Variants in CALML4 observed in about 807,000 individuals in gnomAD.
The protein encoded by CALML4 is calmodulin-like protein 4.
In CALML4, 16 loss-of-function variants were observed where a neutral mutation model predicts 17.9. The ratio of observed to expected loss-of-function variants is 0.89; its 90% CI spans 0.61 to 1.36. The LOEUF (loss-of-function observed/expected upper bound fraction) is 1.36, where lower values mean the gene tolerates loss of function less well. Ranked by LOEUF, CALML4 falls within the 40% of genes most tolerant of loss-of-function variation. The pLI, the probability that CALML4 is intolerant of heterozygous loss-of-function variation, is 0.00. For synonymous variants in CALML4, 86 were observed against 71.5 expected (o/e 1.20, Z -1.02); for missense variants, 203 against 194.8 (o/e 1.04, Z -0.25).
rs1257547414 is a variant in CALML4 at position 68,200,186 on chromosome 15, C to T, written c.35-505G>A. ...TTCTGGACAATGGGAATAATAAGGC[C>T]TCAGGATTACTGTGAGAGCCAGAAA... On this transcript the variant is annotated intron_variant, in intron 2 of 4. Transcript: ENST00000467889. The surrounding 1 kb of genome is among the most constrained non-coding windows in gnomAD (Gnocchi z 4.3). 6.6e-6 allele frequency among the ~76,000 whole-genome samples: 1 copy of T among 152,196 alleles called. No homozygotes were observed. The highest frequency in any genetic ancestry group is 1.5e-5 in the Non-Finnish European group (1 of 68,040).
intron 4 of CALML4, among the ~76,000 whole-genome samples, chr15:68,194,693 CTTTTA>C (rs1476255879): frequency 1.3e-5 from 2 of 152,016 alleles, no homozygotes; most frequent in Non-Finnish European, 2.9e-5. Context: ...CCACCCTGTG[CTTTTA>C]TTTTTATTTT....
chr15:68,197,471 C>T lies in CALML4; in HGVS notation c.333G>A (p.Thr111=), dbSNP rs554953385. 14 of 1,614,130 alleles carry T rather than the reference C, an allele frequency of 8.7e-6. No individual in the cohort carries two copies. In the South Asian group the frequency reaches 1.1e-4, roughly 13 times the overall value. ...VMASDLRSKL[T]SLGEKLTHKE... is the part of the protein sequence containing the mutation. ...TGTGGGTGAGCTTCTCCCCCAGACTCGTGAGTTTTGACCGCAGGTCGGACG... is the reference window on the plus strand; with the variant it reads ...TGTGGGTGAGCTTCTCCCCCAGACTTGTGAGTTTTGACCGCAGGTCGGACG... The change falls in exon 4 of 5, where the codon ACG becomes ACA. Residue 111 remains threonine, a synonymous_variant. Coordinates refer to ENST00000467889, the MANE Select transcript of CALML4 (RefSeq NM_033429.3). The surrounding 1 kb of genome is among the most constrained non-coding windows in gnomAD (Gnocchi z 4.1).
intron 4 of CALML4, among the ~76,000 whole-genome samples, chr15:68,194,919 G>A (rs957960189): frequency 7.0e-6 from 1 of 142,954 alleles, no homozygotes; most frequent in South Asian, 2.2e-4. Flanking sequence ...AGCACTGTCT[G>A]CTACCATCAC....
rs1266028583 is a variant in CALML4, at chr15:68,190,999, A to G, written c.*3016T>C. 2 of 152,450 alleles carry G rather than the reference A, an allele frequency of 1.3e-5. No individual in the cohort carries two copies. The highest frequency in any genetic ancestry group is 3.9e-4 in the East Asian group (2 of 5,194). The allele number at this position is 152,450 out of a possible 1,614,324, so 9.4% of individuals were successfully genotyped here. A position where few individuals can be genotyped will look rare whatever the true frequency, so the allele number is the denominator to read the frequency against. On this transcript the variant is annotated 3_prime_UTR_variant, in exon 5 of 5. Coordinates refer to ENST00000467889, the MANE Select transcript of CALML4 (RefSeq NM_033429.3). This position sits in a 1 kb window ranked among gnomAD's most constrained non-coding sequence, Gnocchi z 4.7. The stretch of plus-strand genomic sequence containing the variant: ...AAAGAGCATTTTTTTAGACAATTTC[A>G]ATTTTAAACACATAAAACTTTCAAG...
Position 68,197,505 on chromosome 15 carries a change from T to C in CALML4, c.299A>G (p.Tyr100Cys), listed in dbSNP as rs2093149509. 1 of 1,614,026 alleles carries C rather than the reference T, an allele frequency of 6.2e-7. No individual in the cohort carries two copies. Among genetic ancestry groups the C allele is most frequent in the South Asian group, 1.1e-5 (1 of 91,082 alleles). The change falls in exon 4 of 5, where the codon TAC becomes TGC. Residue 100 changes from tyrosine (Y) to cysteine (C), a missense_variant. Transcript: ENST00000467889. This position sits in a 1 kb window ranked among gnomAD's most constrained non-coding sequence, Gnocchi z 4.1. ...TGACCGCAGGTCGGACGCCATGACG[T>C]AACCTTTCTTCTCCTTGTCCACCAT... is the stretch of plus-strand genomic sequence containing the variant. The part of the protein sequence containing the change: ...MLMVDKEKKG[Y>C]VMASDLRSKL...
chr15:68,191,694 G>GT lies in CALML4; in HGVS notation c.*2320dup, dbSNP rs1470517185. On this transcript the variant is annotated 3_prime_UTR_variant, in exon 5 of 5. Transcript: ENST00000467889. ...TTTAATAAATCACAGCATCTGTTTAGTATCTGCAGTTTGAATGCTAAGAGC... is the reference window on the plus strand; with the variant it reads ...TTTAATAAATCACAGCATCTGTTTAGTTATCTGCAGTTTGAATGCTAAGAGC... The GT allele has an allele frequency of 6.6e-6, 1 of 152,478 alleles. No individual in the cohort carries two copies. Among genetic ancestry groups the GT allele is most frequent in the Non-Finnish European group, 1.5e-5 (1 of 68,042 alleles). The allele number at this position is 152,478 out of a possible 1,614,324, so 9.4% of individuals were successfully genotyped here.
intron 3 of CALML4, among the ~76,000 whole-genome samples, chr15:68,199,047 A>G (rs1443940143): frequency 6.6e-6 from 1 of 151,970 alleles, no homozygotes; most frequent in Non-Finnish European, 1.5e-5. Context: ...CTGTAATCCC[A>G]GCTACTTGGG....
In CALML4 at chr15:68,204,169, G is replaced by A. The variant is rs1350020735; in HGVS notation, c.34+952C>T. Among the ~76,000 whole-genome samples the A allele has an allele frequency of 5.3e-5, 8 of 152,126 alleles. No individual in the cohort carries two copies. Among genetic ancestry groups the A allele is most frequent in the Admixed American group, 1.3e-4 (2 of 15,272 alleles). Reference sequence around the variant, plus strand: ...TGGAGCTCACAATTCCTGCCCCTCTGGACCAAGCTCAGAATACCCAGAACT... The same window carrying A: ...TGGAGCTCACAATTCCTGCCCCTCTAGACCAAGCTCAGAATACCCAGAACT... On this transcript the variant is annotated intron_variant, in intron 2 of 4. Transcript: ENST00000467889. The surrounding 1 kb of genome is among the most constrained non-coding windows in gnomAD (Gnocchi z 6.0).
Position 68,197,486 on chromosome 15 carries a change from C to A in CALML4, c.318G>T (p.Leu106=). Residue 106 remains leucine (L), a synonymous_variant, in exon 4 of 5, where the codon CTG becomes CTT. Transcript: ENST00000467889. The surrounding 1 kb of genome is among the most constrained non-coding windows in gnomAD (Gnocchi z 4.1). ...CCCCCAGACTCGTGAGTTTTGACCG[C>A]AGGTCGGACGCCATGACGTAACCTT... ...EKKGYVMASD[L]RSKLTSLGEK... 1.2e-6 allele frequency: 2 copies of A among 1,614,168 alleles called. No individual in the cohort carries two copies. The highest frequency in any genetic ancestry group is 1.7e-6 in the Non-Finnish European group (2 of 1,180,032).
intron 4 of CALML4, among the ~76,000 whole-genome samples, chr15:68,195,525 C>G (rs2093140547): frequency 6.6e-6 from 1 of 152,146 alleles, no homozygotes; most frequent in African/African-American, 2.4e-5. Context: ...AGCACTTAGC[C>G]AGGTGCCAAG....
intron 2 of CALML4, among the ~76,000 whole-genome samples, chr15:68,202,806 G>GATT: frequency 7.9e-6 from 1 of 126,232 alleles, no homozygotes; most frequent in Non-Finnish European, 1.6e-5. Flanking sequence ...ACCATGACCG[G>GATT]CTTTTTTTTT....
rs533551662 is a variant in CALML4 at position 68,192,307 on chromosome 15, T to C, written c.*1708A>G. ...TCTGGTGGATTTACCATGAAGGTAA[T>C]GAAGTTTAAGCACCAGGACCCTTCA... On this transcript the variant is annotated 3_prime_UTR_variant, in exon 5 of 5. Transcript: ENST00000467889. 6.6e-6 allele frequency: 1 copy of C among 152,228 alleles called. No homozygotes were observed. The highest frequency in any genetic ancestry group is 2.1e-4 in the South Asian group (1 of 4,820). 9.4% of individuals were successfully genotyped at this position (152,228 alleles called of 1,614,324 possible). A position where few individuals can be genotyped will look rare whatever the true frequency, so the allele number is the denominator to read the frequency against.
chr15:68,192,302 G>A lies in CALML4; in HGVS notation c.*1713C>T, dbSNP rs568090643. 5 of 152,212 alleles carry A rather than the reference G, an allele frequency of 3.3e-5. No individual in the cohort carries two copies. The highest frequency in any genetic ancestry group is 1.2e-4 in the African/African-American group (5 of 41,538). 9.4% of individuals were successfully genotyped at this position (152,212 alleles called of 1,614,324 possible). A position where few individuals can be genotyped will look rare whatever the true frequency, so the allele number is the denominator to read the frequency against. On this transcript the variant is annotated 3_prime_UTR_variant, in exon 5 of 5. Coordinates refer to ENST00000467889, the MANE Select transcript of CALML4 (RefSeq NM_033429.3). ...GGCCCTCTGGTGGATTTACCATGAA[G>A]GTAATGAAGTTTAAGCACCAGGACC...
chr15:68,196,887 G>A (rs2093146613), intron 4 of CALML4, among the ~76,000 whole-genome samples: 1 of 152,194 alleles, frequency 6.6e-6, no homozygotes, highest in Non-Finnish European at 1.5e-5. Context: ...AGTTCCCTCT[G>A]GAGCCCCTTT....
chr15:68,193,264 A>T lies in CALML4; in HGVS notation c.*751T>A, dbSNP rs2093128665. The stretch of plus-strand genomic sequence containing the variant: ...GCTCTGCAAGGCCAGTCAATTTAGC[A>T]GCTCACATCTGGTTTCCTTTGGTGT... On this transcript the variant is annotated 3_prime_UTR_variant, in exon 5 of 5. Coordinates refer to ENST00000467889, the MANE Select transcript of CALML4 (RefSeq NM_033429.3). The T allele has an allele frequency of 1.3e-5, 2 of 152,250 alleles. No individual in the cohort carries two copies. Among genetic ancestry groups the T allele is most frequent in the South Asian group, 4.1e-4 (2 of 4,826 alleles). 9.4% of individuals were successfully genotyped at this position (152,250 alleles called of 1,614,324 possible). A position where few individuals can be genotyped will look rare whatever the true frequency, so the allele number is the denominator to read the frequency against.
At position 68,197,437 on chromosome 15, in the gene CALML4, TA is replaced by T. The variant is rs1361296161; in HGVS notation, c.364+2del. ...TGTTGGGAGACAGGACCCAGGCTGT[TA>T]CCTTCCTTGTGGGTGAGCTTCTCCC... On this transcript the variant is annotated splice_donor_variant, in intron 4 of 4. Transcript: ENST00000467889. LOFTEE classifies it high-confidence loss of function. The surrounding 1 kb of genome is among the most constrained non-coding windows in gnomAD (Gnocchi z 4.1). 13 of 1,613,246 alleles carry T rather than the reference TA, an allele frequency of 8.1e-6. No individual in the cohort carries two copies. The East Asian group carries it at 2.9e-4, about 36-fold the overall frequency.
In CALML4 at chr15:68,197,809, C is replaced by T. The variant is rs887476812; in HGVS notation, c.176-181G>A. The T allele has an allele frequency of 4.2e-5, 25 of 589,794 alleles. No individual in the cohort carries two copies. Among genetic ancestry groups the T allele is most frequent in the Non-Finnish European group, 7.2e-5 (24 of 332,058 alleles). 36.5% of individuals were successfully genotyped at this position (589,794 alleles called of 1,614,324 possible). ...CCCACCGAGTTCCCACGACAGGCCC[C>T]TCACTGGACTGGACATTCTTCATTT... On this transcript the variant is annotated intron_variant, in intron 3 of 4. Coordinates refer to ENST00000467889, the MANE Select transcript of CALML4 (RefSeq NM_033429.3). The surrounding 1 kb of genome is among the most constrained non-coding windows in gnomAD (Gnocchi z 4.1).
chr15:68,195,552 T>TA (rs1055605969), intron 4 of CALML4, among the ~76,000 whole-genome samples: 1 of 151,964 alleles, frequency 6.6e-6, no homozygotes, highest in African/African-American at 2.4e-5. Flanking sequence ...GACACCTGAG[T>TA]AGAACAGCCT....
chr15:68,205,342 G>T, upstream of CALML4: 1 of 1,614,086 alleles, frequency 6.2e-7, no homozygotes, highest in Non-Finnish European at 8.5e-7. The surrounding 1 kb of genome is among the most constrained non-coding windows in gnomAD (Gnocchi z 4.8). Context: ...TGCCAAGCTG[G>T]GTGGAGGCCC....
Sources: gnomAD v4.1 joint callset for allele counts (sites outside exome capture counted in the v4.1 genomes callset) on GRCh38, gnomAD v4.1.1 for gene constraint, Gnocchi (gnomAD v3.1) non-coding constraint, MANE v1.5 for transcripts, NCBI Gene and HGNC (gene_info 2026-07-23, HGNC 2026-07-21) for gene names.